Variants in DHRSX observed in about 807,000 individuals in gnomAD.
DHRSX encodes the protein dehydrogenase/reductase X-linked.
A neutral mutation model predicts 34.0 loss-of-function variants in DHRSX; 31 were observed. The observed-to-expected ratio is 0.91, with a 90% CI of 0.69 to 1.23. DHRSX has a LOEUF of 1.23. Among genes scored for constraint, DHRSX ranks in the 50% most tolerant of loss-of-function variants. The pLI, the probability that DHRSX is intolerant of heterozygous loss-of-function variation, is 0.00. For synonymous variants in DHRSX, 201 were observed against 183.8 expected (o/e 1.09, Z -0.76); for missense variants, 414 against 428.1 (o/e 0.97, Z 0.29).
At chrX:2,319,563 G>C (rs1227468473) in intron 3 of DHRSX, among the ~76,000 whole-genome samples, 1 of 138,984 alleles carries the variant, frequency 7.2e-6, no homozygotes, top group East Asian at 2.1e-4. Flanking sequence ...AAAAAAAAGA[G>C]AACGAAGACC....
At chrX:2,489,632 C>T (rs375275167) in intron 1 of DHRSX, 4 of 1,612,542 alleles carry the variant, frequency 2.5e-6, no homozygotes, top group South Asian at 1.1e-5. Context: ...CTCCTTGAGG[C>T]GCTGCAGCAT....
At chrX:2,412,540 T>C (rs2043645153) in intron 2 of DHRSX, among the ~76,000 whole-genome samples, 1 of 151,526 alleles carries the variant, frequency 6.6e-6, no homozygotes, top group Non-Finnish European at 1.5e-5. Flanking sequence ...CCTCAAAAAA[T>C]GATCATTATG....
chrX:2,250,673 A>C (rs2016415792), intron 5 of DHRSX, among the ~76,000 whole-genome samples: 1 of 152,098 alleles, frequency 6.6e-6, no homozygotes, highest in Non-Finnish European at 1.5e-5. Flanking sequence ...TGGCTTTACC[A>C]CAACCTGGTT....
chrX:2,330,182 G>A (rs1467238374), intron 3 of DHRSX, among the ~76,000 whole-genome samples: 1 of 146,882 alleles, frequency 6.8e-6, no homozygotes, highest in African/African-American at 2.5e-5. Context: ...AAGAGGAGGA[G>A]GAGAAGCAGG....
At chrX:2,290,917 T>A (rs2041857684) in intron 4 of DHRSX, among the ~76,000 whole-genome samples, 1 of 152,098 alleles carries the variant, frequency 6.6e-6, no homozygotes, top group African/African-American at 2.4e-5. Context: ...GTTGCAATGA[T>A]CTTAAGCGCT....
chrX:2,445,335 T>C lies in DHRSX; in HGVS notation c.110-20031A>G, dbSNP rs181190981. On this transcript the variant is annotated intron_variant, in intron 1 of 6. Coordinates refer to ENST00000334651, the MANE Select transcript of DHRSX (RefSeq NM_145177.3). ...TTTTGCCGTGACCAGGATTTTTATA[T>C]AAGCCCACGTCCTATGTGTATTTCA... 4.7e-4 allele frequency among the ~76,000 whole-genome samples: 71 copies of C among 152,278 alleles called. 1 individual carries two copies. The East Asian group carries it at 0.013, about 27-fold the overall frequency.
chrX:2,499,702 T>C (rs1223964283), intron 1 of DHRSX, among the ~76,000 whole-genome samples: 1 of 151,760 alleles, frequency 6.6e-6, no homozygotes, highest in Non-Finnish European at 1.5e-5. Flanking sequence ...GGCCCATGAG[T>C]TTCAGACCAG....
intron 1 of DHRSX, chrX:2,489,156 G>A (rs779801623): frequency 3.7e-6 from 6 of 1,613,530 alleles, no homozygotes; most frequent in Admixed American, 1.7e-5. Flanking sequence ...TCGGGCACCG[G>A]GAAGATCTTG....
At chrX:2,263,750 A>G (rs1201153321) in intron 5 of DHRSX, among the ~76,000 whole-genome samples, 2 of 152,022 alleles carry the variant, frequency 1.3e-5, no homozygotes, top group Non-Finnish European at 2.9e-5. Context: ...TGACCTCGTG[A>G]TCTACCTGCC....
chrX:2,401,934 C>T (rs2043490724), intron 3 of DHRSX, among the ~76,000 whole-genome samples: 1 of 152,176 alleles, frequency 6.6e-6, no homozygotes, highest in Admixed American at 6.6e-5. Context: ...CTCAATTAGC[C>T]GTCCTTCTGT....
At chrX:2,500,654 G>GCCCCCCCCCCCCCCCC (rs546772121) in intron 1 of DHRSX, 163 bp downstream of exon 1, 1 of 126,696 alleles carries the variant, frequency 7.9e-6, no homozygotes, top group Non-Finnish European at 1.7e-5. Context: ...CGCGCACGCC[G>GCCCCCCCCCCCCCCCC]CCCCCCCCCC....
At position 2,291,487 on chromosome X, in the gene DHRSX, TTCACCAGGAC is replaced by T. The variant is rs2041864393; in HGVS notation, c.388+5_388+14del. On this transcript the variant is annotated splice_donor_5th_base_variant and intron_variant, in intron 4 of 6. Transcript: ENST00000334651. ...AAATTAACCCCTGGCTTGCTGCAAT[TTCACCAGGAC>T]TCACCATTGTTGATCAGGACATGGA... 1.2e-6 allele frequency: 2 copies of T among 1,601,252 alleles called. No homozygotes were observed. The highest frequency in any genetic ancestry group is 3.4e-5 in the Admixed American group (2 of 59,282).
In DHRSX at chrX:2,425,275, T is replaced by G; in HGVS notation, c.139A>C (p.Ile47Leu). 1.9e-6 allele frequency: 3 copies of G among 1,613,922 alleles called. 1 individual carries two copies. Among genetic ancestry groups the G allele is most frequent in the South Asian group, 2.2e-5 (2 of 91,068 alleles). ...ATGCCATCTGTCCCTCCCGTCACTA[T>G]AGCGACACGGTCAGGTCGTGGGGGG... The part of the protein sequence containing the change: ...VFPPRPDRVA[I>L]VTGGTDGIGY... Residue 47 changes from isoleucine to leucine, a missense_variant, in exon 2 of 7, where the codon ATA becomes CTA. Ile to Leu is a conservative substitution (Grantham distance 5). Transcript: ENST00000334651.
At chrX:2,497,794 T>C (rs1392221205) in intron 1 of DHRSX, among the ~76,000 whole-genome samples, 1 of 152,230 alleles carries the variant, frequency 6.6e-6, no homozygotes, top group Non-Finnish European at 1.5e-5. Flanking sequence ...GATCACCCTG[T>C]TATTAATACC....
chrX:2,423,443 T>G (rs1009057739), intron 2 of DHRSX, among the ~76,000 whole-genome samples: 1 of 151,660 alleles, frequency 6.6e-6, no homozygotes, highest in Admixed American at 6.6e-5. Flanking sequence ...ATAAATAAAA[T>G]GAGCTTGGCA....
At chrX:2,289,386 G>A (rs1055612017) in intron 4 of DHRSX, among the ~76,000 whole-genome samples, 6 of 152,088 alleles carry the variant, frequency 3.9e-5, no homozygotes, top group Non-Finnish European at 7.4e-5. Context: ...CCAAAGTGTT[G>A]GGATTACAGG....
chrX:2,490,216 G>A lies in DHRSX; in HGVS notation c.109+10601C>T, dbSNP rs142336392. On this transcript the variant is annotated intron_variant, in intron 1 of 6. Coordinates refer to ENST00000334651, the MANE Select transcript of DHRSX (RefSeq NM_145177.3). ...ACTTCTCAGGGATGGCCTTGGTAGAGATGTACTTCCGGCTGGGCAGCTCAT... is the reference window on the plus strand; with the variant it reads ...ACTTCTCAGGGATGGCCTTGGTAGAAATGTACTTCCGGCTGGGCAGCTCAT... The A allele has an allele frequency of 1.1e-4, 175 of 1,613,980 alleles. 1 individual carries two copies. The African/African-American group carries it at 2.0e-3, about 18-fold the overall frequency.
chrX:2,272,394 C>G (rs67675842), intron 4 of DHRSX, among the ~76,000 whole-genome samples: 106,883 of 151,926 alleles, frequency 0.7, 38,732 homozygotes, highest in African/African-American at 0.79. Context: ...TCAGGGGGCT[C>G]TAAAGCAGGC....
intron 3 of DHRSX, among the ~76,000 whole-genome samples, chrX:2,359,836 TTAC>T (rs904587420): frequency 6.6e-6 from 1 of 151,864 alleles, no homozygotes; most frequent in Non-Finnish European, 1.5e-5. Context: ...CAAAACCAAA[TTAC>T]TACATGTTCT....
Sources: allele counts gnomAD v4.1 joint callset (sites outside exome capture counted in the v4.1 genomes callset), GRCh38; gene constraint gnomAD v4.1.1; transcripts MANE v1.5; gene names NCBI Gene and HGNC (gene_info 2026-07-23, HGNC 2026-07-21).